The following SEMA3A variants were observed in gnomAD, a reference collection of about 807,000 sequenced individuals.
The protein encoded by SEMA3A is semaphorin 3A, also known as semaphorin-3A.
SEMA3A carries 29 observed loss-of-function variants against 97.9 expected under a neutral mutation model. The observed-to-expected ratio is 0.30, with a 90% CI of 0.22 to 0.40. The LOEUF is 0.40. Among genes scored for constraint, SEMA3A ranks in the 10% least tolerant of loss-of-function variants. The pLI is 1.00. For missense variants in SEMA3A, 763 were observed against 951.3 expected, an observed-to-expected ratio of 0.80 and a Z score of 2.60; for synonymous variants, 321 against 323.7, an observed-to-expected ratio of 0.99 and a Z score of 0.09.
chr7:84,298,907 T>C (rs1489559757), intron 3 of SEMA3A, among the ~76,000 whole-genome samples: 2 of 152,114 alleles, frequency 1.3e-5, no homozygotes, highest in African/African-American at 2.4e-5. Flanking sequence ...CAGGAGACGA[T>C]GGAAGAGGAG....
At chr7:84,421,924 T>G (rs567874517) in intron 1 of SEMA3A, among the ~76,000 whole-genome samples, 2 of 152,202 alleles carry the variant, frequency 1.3e-5, no homozygotes, top group Non-Finnish European at 2.9e-5. Context: ...TTTGCCAGTA[T>G]TTTATTGAGG....
rs563994737 is a variant in SEMA3A at position 84,012,101 on chromosome 7, T to C, written c.811-804A>G. On this transcript the variant is annotated intron_variant, in intron 7 of 16. Coordinates refer to ENST00000265362, the MANE Select transcript of SEMA3A (RefSeq NM_006080.3). ...CCTTTGGGGGAGGGATGAAGAGATT[T>C]GGTCCAAGATATAAAATTTCACTTA... 2.0e-5 allele frequency among the ~76,000 whole-genome samples: 3 copies of C among 152,168 alleles called. No homozygotes were observed. In the South Asian group the frequency reaches 6.2e-4, roughly 32 times the overall value.
At chr7:84,087,451 A>G (rs1055942151) in intron 4 of SEMA3A, among the ~76,000 whole-genome samples, 2 of 152,212 alleles carry the variant, frequency 1.3e-5, no homozygotes, top group Non-Finnish European at 2.9e-5. Flanking sequence ...CTACAGCTGG[A>G]TAAGACAGAT....
intron 3 of SEMA3A, among the ~76,000 whole-genome samples, chr7:84,285,531 C>A (rs1394745824): frequency 6.6e-6 from 1 of 152,110 alleles, no homozygotes; most frequent in East Asian, 1.9e-4. Context: ...GTGATGCCAA[C>A]AATTGTAAGT....
chr7:84,136,497 T>C (rs10257628), intron 1 of SEMA3A, among the ~76,000 whole-genome samples: 33,362 of 152,098 alleles, frequency 0.22, 3,763 homozygotes, highest in South Asian at 0.27. Context: ...TCATTCACTC[T>C]TTGGCCTTTG....
chr7:84,378,875 ACTCTCTCT>A (rs72175737), intron 1 of SEMA3A, among the ~76,000 whole-genome samples: 1 of 140,838 alleles, frequency 7.1e-6, no homozygotes, highest in African/African-American at 2.6e-5. Flanking sequence ...AAGATCCATG[ACTCTCTCT>A]CTCTCTCTCT....
chr7:84,113,199 C>T (rs1562790231), intron 3 of SEMA3A, among the ~76,000 whole-genome samples: 3 of 152,064 alleles, frequency 2.0e-5, no homozygotes, highest in Non-Finnish European at 4.4e-5. Flanking sequence ...GGAGACTCAT[C>T]GAAAACAATG....
chr7:84,244,646 A>AT (rs1799440088), intron 3 of SEMA3A, among the ~76,000 whole-genome samples: 1 of 152,050 alleles, frequency 6.6e-6, no homozygotes, highest in African/African-American at 2.4e-5. Flanking sequence ...CTAGGTGGTT[A>AT]TTTTGCCCAT....
At chr7:84,235,813 A>G (rs2116367102) in intron 3 of SEMA3A, among the ~76,000 whole-genome samples, 1 of 152,160 alleles carries the variant, frequency 6.6e-6, no homozygotes, top group African/African-American at 2.4e-5. Context: ...AAACATAGCT[A>G]CTTTAGACCA....
chr7:84,205,999 A>T (rs1449049575), intron 3 of SEMA3A, among the ~76,000 whole-genome samples: 2 of 152,194 alleles, frequency 1.3e-5, no homozygotes, highest in African/African-American at 4.8e-5. Flanking sequence ...GGATGAAAAT[A>T]AAGACCCTTC....
At chr7:84,430,652 C>CA (rs1804954546) in intron 1 of SEMA3A, among the ~76,000 whole-genome samples, 1 of 151,718 alleles carries the variant, frequency 6.6e-6, no homozygotes, top group Non-Finnish European at 1.5e-5. Context: ...GATAATTTAG[C>CA]AAAAAAGTAG....
At chr7:84,046,827 T>C (rs186365706) in intron 5 of SEMA3A, among the ~76,000 whole-genome samples, 1 of 152,086 alleles carries the variant, frequency 6.6e-6, no homozygotes, top group Non-Finnish European at 1.5e-5. Context: ...AAAGTTACTA[T>C]GGTTCTAATA....
At chr7:84,031,503 A>G (rs978431438) in intron 6 of SEMA3A, among the ~76,000 whole-genome samples, 4 of 152,198 alleles carry the variant, frequency 2.6e-5, no homozygotes, top group Non-Finnish European at 5.9e-5. Context: ...TGGAAAAACA[A>G]AAGCAAATAC....
At chr7:84,366,958 T>G (rs1217975995) in intron 2 of SEMA3A, among the ~76,000 whole-genome samples, 3 of 151,220 alleles carry the variant, frequency 2.0e-5, no homozygotes, top group Non-Finnish European at 4.4e-5. Flanking sequence ...TCTAAAGAAT[T>G]TGCATACACT....
intron 2 of SEMA3A, among the ~76,000 whole-genome samples, chr7:84,309,736 A>G (rs562127860): frequency 6.6e-6 from 1 of 152,274 alleles, no homozygotes; most frequent in South Asian, 2.1e-4. Flanking sequence ...TGTATTGGTA[A>G]TATTTTATCT....
intron 1 of SEMA3A, among the ~76,000 whole-genome samples, chr7:84,144,883 A>G (rs894654783): frequency 5.9e-5 from 9 of 152,188 alleles, no homozygotes; most frequent in Admixed American, 1.3e-4. Flanking sequence ...AAACCTGGCT[A>G]GAGATTTTCA....
intron 3 of SEMA3A, among the ~76,000 whole-genome samples, chr7:84,286,703 T>G (rs1396742026): frequency 6.6e-6 from 1 of 152,058 alleles, no homozygotes; most frequent in Non-Finnish European, 1.5e-5. Context: ...TAGTCCACTT[T>G]CCCCACCAAA....
intron 3 of SEMA3A, among the ~76,000 whole-genome samples, chr7:84,302,726 G>T (rs945896096): frequency 6.6e-6 from 1 of 152,076 alleles, no homozygotes; most frequent in Non-Finnish European, 1.5e-5. Flanking sequence ...TATCAAAAGA[G>T]TCCCAAAACA....
chr7:83,975,971 CTCTT>C (rs1341721450), intron 15 of SEMA3A, among the ~76,000 whole-genome samples: 1 of 152,128 alleles, frequency 6.6e-6, no homozygotes, highest in African/African-American at 2.4e-5. Context: ...GTTTTGTGGT[CTCTT>C]TCTTATTTAT....
Sources: gnomAD v4.1 joint callset for allele counts (sites outside exome capture counted in the v4.1 genomes callset) on GRCh38, gnomAD v4.1.1 for gene constraint, MANE v1.5 for transcripts, NCBI Gene and HGNC (gene_info 2026-07-23, HGNC 2026-07-21) for gene names.